The following RTL1 variants were observed in gnomAD, a reference collection of about 807,000 sequenced individuals.
The protein encoded by RTL1 is retrotransposon Gag like 1.
For missense variants in RTL1, 1,681 were observed against 1,767.5 expected (o/e 0.95, Z 0.88); for synonymous variants, 727 against 748.4 (o/e 0.97, Z 0.47).
chr14:100,885,360 C>T (rs142140846), intron 3 of RTL1, among the ~76,000 whole-genome samples: 16 of 152,264 alleles, frequency 1.1e-4, no homozygotes, highest in African/African-American at 2.6e-4. Flanking sequence ...GGTTGTGGAG[C>T]GGGAATCTCT....
rs747019094 is a variant in RTL1, at chr14:100,881,372, C to A, written c.3417G>T (p.Thr1139=). Residue 1139 remains threonine, a synonymous_variant, in exon 4 of 4, where the codon ACG becomes ACT. Transcript: ENST00000649591. The surrounding 1 kb of genome is among the most constrained non-coding windows in gnomAD (Gnocchi z 6.6). ...DSSLIAGSSI[T]TAITQLLTQM... is the part of the protein sequence containing the mutation. ...GGGTGAGCAGCTGGGTGATGGCTGT[C>A]GTGATGCTGCTGCCTGCGATGAGGG... 1.3e-6 allele frequency: 2 copies of A among 1,550,560 alleles called. No individual in the cohort carries two copies.
At chr14:100,892,756 C>T (rs753285324) in intron 3 of RTL1, among the ~76,000 whole-genome samples, 4 of 151,946 alleles carry the variant, frequency 2.6e-5, no homozygotes, top group African/African-American at 7.3e-5. Flanking sequence ...GTGCGGAAGA[C>T]GGAATGTGAC....
At chr14:100,890,546 G>A (rs2038760399) in intron 3 of RTL1, among the ~76,000 whole-genome samples, 1 of 151,878 alleles carries the variant, frequency 6.6e-6, no homozygotes, top group Non-Finnish European at 1.5e-5. Flanking sequence ...GTGAGGAGTG[G>A]GGAGGCTGTG....
At position 100,893,665 on chromosome 14, in the gene RTL1, C is replaced by T. The variant is rs761306468; in HGVS notation, c.-148-160G>A. 3.9e-5 allele frequency among the ~76,000 whole-genome samples: 6 copies of T among 152,216 alleles called. No homozygotes were observed. Among genetic ancestry groups the T allele is most frequent in the Non-Finnish European group, 7.4e-5 (5 of 68,020 alleles). On this transcript the variant is annotated intron_variant, in intron 2 of 3. Coordinates refer to ENST00000649591, the MANE Select transcript of RTL1 (RefSeq NM_001134888.3). The surrounding 1 kb of genome is among the most constrained non-coding windows in gnomAD (Gnocchi z 4.2). ...TTGTGAGCTTTTTTCCACGTGGCTA[C>T]GTTGGGGACCTCCGTGATGCTTCCT...
At chr14:100,887,902 C>T (rs2038715356) in intron 3 of RTL1, among the ~76,000 whole-genome samples, 1 of 151,926 alleles carries the variant, frequency 6.6e-6, no homozygotes, top group Non-Finnish European at 1.5e-5. Flanking sequence ...CATGCTTTGT[C>T]TATAAATGAC....
In RTL1 at chr14:100,900,696, C is replaced by G. The variant is rs115516109; in HGVS notation, c.-149+2595G>C. Among the ~76,000 whole-genome samples the G allele has an allele frequency of 2.0e-3, 305 of 152,294 alleles. 1 individual carries two copies. Among genetic ancestry groups the G allele is most frequent in the African/African-American group, 7.1e-3 (296 of 41,568 alleles). ...GATTTGGGTCGGTGACTTTTCACAT[C>G]TACACCAAAGCCCTTCAGAACCCTT... is the stretch of plus-strand genomic sequence containing the variant. On this transcript the variant is annotated intron_variant, in intron 2 of 3. Transcript: ENST00000649591.
chr14:100,883,669 C>T lies in RTL1; in HGVS notation c.1120G>A (p.Ala374Thr), dbSNP rs769415510. 6.4e-7 allele frequency: 1 copy of T among 1,551,558 alleles called. No individual in the cohort carries two copies. Among genetic ancestry groups the T allele is most frequent in the African/African-American group, 1.4e-5 (1 of 73,162 alleles). The part of the protein sequence containing the change: ...RRAMLRLPPE[A>T]RPRNLTWIDS... ...ATCCAGGTCAGGTTCCGGGGGCGGG[C>T]CTCGGGGGGCAGCCTGAGCATAGCT... is the stretch of plus-strand genomic sequence containing the variant. Residue 374 changes from alanine to threonine, a missense_variant, in exon 4 of 4, where the codon GCC becomes ACC. By Grantham distance (58) the Ala-to-Thr change is moderately conservative. Transcript: ENST00000649591. This position sits in a 1 kb window ranked among gnomAD's most constrained non-coding sequence, Gnocchi z 5.9.
chr14:100,902,834 A>C (rs538143475), intron 2 of RTL1, among the ~76,000 whole-genome samples: 19 of 152,316 alleles, frequency 1.2e-4, no homozygotes, highest in South Asian at 1.0e-3. Flanking sequence ...GACACTTCAT[A>C]AATGCTTGTG....
rs554760314 is a variant in RTL1 at position 100,893,323 on chromosome 14, C to T, written c.-87+121G>A. Reference sequence around the variant, plus strand: ...CCATGTCATGGTTTTTTCTTACAGACGAATGAACACTTTAACCCTTGTCCT... The same window carrying T: ...CCATGTCATGGTTTTTTCTTACAGATGAATGAACACTTTAACCCTTGTCCT... On this transcript the variant is annotated intron_variant, in intron 3 of 3. Transcript: ENST00000649591. This position sits in a 1 kb window ranked among gnomAD's most constrained non-coding sequence, Gnocchi z 4.2. Among the ~76,000 whole-genome samples, 5 of 152,204 alleles carry T rather than the reference C, an allele frequency of 3.3e-5. No individual in the cohort carries two copies. Among genetic ancestry groups the T allele is most frequent in the South Asian group, 4.2e-4 (2 of 4,818 alleles).
intron 3 of RTL1, among the ~76,000 whole-genome samples, chr14:100,891,323 T>C (rs2038774617): frequency 6.6e-6 from 1 of 152,148 alleles, no homozygotes. Flanking sequence ...TGGACCGAGG[T>C]CCTTGAATGC....
At position 100,881,448 on chromosome 14, in the gene RTL1, C is replaced by T. The variant is rs978854155; in HGVS notation, c.3341G>A (p.Arg1114Gln). Reference protein sequence around the residue: ...CLSLRPAPAMRVARPQPQRSL... With the variant: ...CLSLRPAPAMQVARPQPQRSL... The stretch of plus-strand genomic sequence containing the variant: ...GCGCTGGGGCTGGGGCCGAGCCACC[C>T]GCATGGCGGGTGCCGGCCGCAGCGA... Residue 1114 changes from arginine (R) to glutamine (Q), a missense_variant, in exon 4 of 4, where the codon CGG (arginine) becomes CAG (glutamine). Arg to Gln is a conservative substitution (Grantham distance 43, BLOSUM62 1). Coordinates refer to ENST00000649591, the MANE Select transcript of RTL1 (RefSeq NM_001134888.3). The surrounding 1 kb of genome is among the most constrained non-coding windows in gnomAD (Gnocchi z 6.6). 6 of 1,550,800 alleles carry T rather than the reference C, an allele frequency of 3.9e-6. No homozygotes were observed. Among genetic ancestry groups the T allele is most frequent in the Middle Eastern group, 1.7e-4 (1 of 5,990 alleles).
chr14:100,886,213 G>GT (rs2038695873), intron 3 of RTL1, among the ~76,000 whole-genome samples: 1 of 139,032 alleles, frequency 7.2e-6, no homozygotes, highest in South Asian at 2.2e-4. Flanking sequence ...GGACCCATCC[G>GT]TAAAAAAAAA....
chr14:100,883,252 C>A lies in RTL1; in HGVS notation c.1537G>T (p.Ala513Ser). The A allele has an allele frequency of 6.4e-7, 1 of 1,551,328 alleles. No individual in the cohort carries two copies. The highest frequency in any genetic ancestry group is 8.7e-7 in the Non-Finnish European group (1 of 1,146,854). Residue 513 changes from alanine (A) to serine (S), a missense_variant, in exon 4 of 4, where the codon GCC (alanine) becomes TCC (serine). By Grantham distance (99) the Ala-to-Ser change is moderately conservative. Coordinates refer to ENST00000649591, the MANE Select transcript of RTL1 (RefSeq NM_001134888.3). This position sits in a 1 kb window ranked among gnomAD's most constrained non-coding sequence, Gnocchi z 5.9. ...VLGIRWLRVH[A>S]PEVDWIKGRC... Reference sequence around the variant, plus strand: ...CCTTTGATCCAGTCGACTTCGGGGGCGTGGACTCGGAGCCAGCGGATGCCT... The same window carrying A: ...CCTTTGATCCAGTCGACTTCGGGGGAGTGGACTCGGAGCCAGCGGATGCCT...
Position 100,883,826 on chromosome 14 carries a change from G to T in RTL1, c.963C>A (p.Val321=). 1.3e-6 allele frequency: 2 copies of T among 1,551,654 alleles called. No homozygotes were observed. The highest frequency in any genetic ancestry group is 1.7e-6 in the Non-Finnish European group (2 of 1,146,988). Reference sequence around the variant, plus strand: ...GCCCCTGGCACAAGTGGGCCTGCAGGACTTCATCTGGCCAGCCCAAGATGG... The same window carrying T: ...GCCCCTGGCACAAGTGGGCCTGCAGTACTTCATCTGGCCAGCCCAAGATGG... The part of the protein sequence containing the change: ...LVPILGWPDE[V]LQAHLCQGLN... The change falls in exon 4 of 4, where the codon GTC becomes GTA. Residue 321 remains valine (V), a synonymous_variant. Coordinates refer to ENST00000649591, the MANE Select transcript of RTL1 (RefSeq NM_001134888.3). The surrounding 1 kb of genome is among the most constrained non-coding windows in gnomAD (Gnocchi z 5.9).
rs1418773038 is a variant in RTL1 at position 100,903,686 on chromosome 14, C to T, written c.-326G>A. On this transcript the variant is annotated 5_prime_UTR_variant, in exon 1 of 4. Transcript: ENST00000649591. ...CCCCACCACACCCTGCTGCTGAAGG[C>T]TGCTCAGCGAGGCTGTGCCGAGTGC... Among the ~76,000 whole-genome samples, 1 of 152,172 alleles carries T rather than the reference C, an allele frequency of 6.6e-6. No individual in the cohort carries two copies. Among genetic ancestry groups the T allele is most frequent in the Non-Finnish European group, 1.5e-5 (1 of 68,018 alleles).
intron 2 of RTL1, among the ~76,000 whole-genome samples, chr14:100,902,881 A>T (rs988372012): frequency 6.6e-6 from 1 of 152,150 alleles, no homozygotes; most frequent in Admixed American, 6.5e-5. Context: ...AGAGAGAGGT[A>T]TGTAACAAGT....
At position 100,884,105 on chromosome 14, in the gene RTL1, T is replaced by A; in HGVS notation, c.684A>T (p.Pro228=). The A allele has an allele frequency of 6.4e-7, 1 of 1,551,692 alleles. No homozygotes were observed. The highest frequency in any genetic ancestry group is 2.0e-5 in the Admixed American group (1 of 51,008). ...VLCQLTLQSY[P]RMFYNDRLRV... ...TCAGACGGTCGTTATAGAACATTCT[T>A]GGGTAGCTCTGTAAGGTCAGTTGGC... The change falls in exon 4 of 4, where the codon CCA becomes CCT. Residue 228 remains proline, a synonymous_variant. Coordinates refer to ENST00000649591, the MANE Select transcript of RTL1 (RefSeq NM_001134888.3).
chr14:100,890,887 C>T (rs757070027), intron 3 of RTL1, among the ~76,000 whole-genome samples: 4 of 152,130 alleles, frequency 2.6e-5, no homozygotes, highest in Non-Finnish European at 4.4e-5. Flanking sequence ...TGCAGGGACC[C>T]TGGGAGGGTT....
At position 100,884,544 on chromosome 14, in the gene RTL1, C is replaced by CTGGA. The variant is rs2038670128; in HGVS notation, c.241_244dup (p.Ser82IlefsTer6). ...ATCCTCTATTTCCTTACGTGGGCCA[C>CTGGA]TGGATGGCTCCTCCATGTCTTGGAG... On this transcript the variant is annotated frameshift_variant, in exon 4 of 4. Transcript: ENST00000649591. LOFTEE classifies it low-confidence loss of function (END_TRUNC). 6.2e-6 allele frequency: 10 copies of CTGGA among 1,613,314 alleles called. No homozygotes were observed. The highest frequency in any genetic ancestry group is 8.5e-6 in the Non-Finnish European group (10 of 1,179,250).
Sources: allele counts gnomAD v4.1 joint callset (sites outside exome capture counted in the v4.1 genomes callset), GRCh38; gene constraint gnomAD v4.1.1; non-coding constraint Gnocchi (gnomAD v3.1); transcripts MANE v1.5; gene names NCBI Gene and HGNC (gene_info 2026-07-23, HGNC 2026-07-21).